Variants in SYT3 observed in about 807,000 individuals in gnomAD.
The protein encoded by SYT3 is synaptotagmin 3.
A neutral mutation model predicts 50.6 loss-of-function variants in SYT3; 25 were observed. The observed-to-expected ratio is 0.49, with a 90% CI of 0.36 to 0.69. The LOEUF (loss-of-function observed/expected upper bound fraction) is 0.69, where lower values mean the gene tolerates loss of function less well. Ranked by LOEUF, SYT3 falls within the 30% of genes least tolerant of loss-of-function variation. The pLI, the probability that SYT3 is intolerant of heterozygous loss-of-function variation, is 0.00. For synonymous variants in SYT3, 323 were observed against 353.9 expected (o/e 0.91, Z 0.98); for missense variants, 589 against 793.6 (o/e 0.74, Z 3.10).
At chr19:50,649,039 G>T in the SYT3 span, among the ~76,000 whole-genome samples, 1 of 151,150 alleles carries the variant, frequency 6.6e-6, no homozygotes, top group East Asian at 1.9e-4. Flanking sequence ...CTGAAGAGAT[G>T]GAGCCCAGGA....
Position 50,637,581 on chromosome 19 carries a change from A to AT in SYT3, c.-15-156dup, listed in dbSNP as rs1375978834. ...AGGGGCAGATGGATTAGGGATGGAG[A>AT]TTCGAGGAAGAAGGACAAGGTGACA... On this transcript the variant is annotated intron_variant, in intron 2 of 10. Transcript: ENST00000600079. The surrounding 1 kb of genome is among the most constrained non-coding windows in gnomAD (Gnocchi z 4.9). 2 of 611,348 alleles carry AT rather than the reference A, an allele frequency of 3.3e-6. No individual in the cohort carries two copies. The highest frequency in any genetic ancestry group is 3.7e-5 in the African/African-American group (2 of 54,190). 37.9% of individuals were successfully genotyped at this position (611,348 alleles called of 1,614,324 possible). A position where few individuals can be genotyped will look rare whatever the true frequency, so the allele number is the denominator to read the frequency against.
intron 6 of SYT3, among the ~76,000 whole-genome samples, chr19:50,627,155 C>T (rs566008208): frequency 6.6e-6 from 1 of 152,326 alleles, no homozygotes; most frequent in South Asian, 2.1e-4. Context: ...GCCCTGCGGC[C>T]TCCCAACTGT....
In SYT3 at chr19:50,639,794, AGCCGCCGCTGCCGCCGCT is replaced by A. The variant is rs550017093; in HGVS notation, c.-176_-159del. The A allele has an allele frequency of 1.3e-5, 2 of 155,918 alleles. No individual in the cohort carries two copies. The highest frequency in any genetic ancestry group is 1.8e-4 in the South Asian group (1 of 5,706). The allele number at this position is 155,918 out of a possible 1,614,324, so 9.7% of individuals were successfully genotyped here. The stretch of plus-strand genomic sequence containing the variant: ...GAGGGGGAGGAGCGGACTCACCCGG[AGCCGCCGCTGCCGCCGCT>A]GCCGCCGCCGCCGCCGCCGCAGCCC... On this transcript the variant is annotated 5_prime_UTR_variant, in exon 1 of 11. Coordinates refer to ENST00000600079, the MANE Select transcript of SYT3 (RefSeq NM_001160329.2). The surrounding 1 kb of genome is among the most constrained non-coding windows in gnomAD (Gnocchi z 4.6).
rs1366992921 is a variant in SYT3 at position 50,637,019 on chromosome 19, T to C, written c.148+245A>G. ...GACATTTGCACAAGATGCAGAGAGA[T>C]ATCTGAAGGGGGCATTTGGTGGTGG... is the stretch of plus-strand genomic sequence containing the variant. On this transcript the variant is annotated intron_variant, in intron 3 of 10. Coordinates refer to ENST00000600079, the MANE Select transcript of SYT3 (RefSeq NM_001160329.2). The surrounding 1 kb of genome is among the most constrained non-coding windows in gnomAD (Gnocchi z 4.9). Among the ~76,000 whole-genome samples the C allele has an allele frequency of 6.6e-6, 1 of 152,118 alleles. No individual in the cohort carries two copies. The highest frequency in any genetic ancestry group is 1.5e-5 in the Non-Finnish European group (1 of 68,032).
At chr19:50,652,634 C>T in the SYT3 span, among the ~76,000 whole-genome samples, 2 of 152,150 alleles carry the variant, frequency 1.3e-5, no homozygotes, top group South Asian at 2.1e-4. Flanking sequence ...TGTGCTTGAT[C>T]AGGTTTAAGA....
chr19:50,639,930 C>T (rs985741344), upstream of SYT3: 52 of 153,380 alleles, frequency 3.4e-4, no homozygotes, highest in African/African-American at 1.1e-3. The surrounding 1 kb of genome is among the most constrained non-coding windows in gnomAD (Gnocchi z 4.6). Context: ...TCCCCCACTC[C>T]GAACCCGCGG....
the SYT3 span, chr19:50,656,210 T>G: frequency 1.3e-6 from 2 of 1,536,104 alleles, no homozygotes; most frequent in Non-Finnish European, 1.7e-6. Flanking sequence ...TCCCTGCCTG[T>G]TCGCTCTCTC....
chr19:50,644,366 G>A (rs890042523), upstream of SYT3, among the ~76,000 whole-genome samples: 1 of 152,104 alleles, frequency 6.6e-6, no homozygotes, highest in African/African-American at 2.4e-5. Flanking sequence ...GTGGATGGTT[G>A]GGTGCATACA....
At chr19:50,647,795 A>C in the SYT3 span, among the ~76,000 whole-genome samples, 1 of 152,120 alleles carries the variant, frequency 6.6e-6, no homozygotes, top group South Asian at 2.1e-4. Flanking sequence ...GAACTTGGAG[A>C]CAGATAGGCT....
At chr19:50,656,134 C>G in the SYT3 span, 1 of 1,536,168 alleles carries the variant, frequency 6.5e-7, no homozygotes, top group South Asian at 1.2e-5. Flanking sequence ...TGAGTTGTCC[C>G]TGGCCCCCAT....
chr19:50,624,269 C>G (rs1983962306), intron 9 of SYT3, among the ~76,000 whole-genome samples: 2 of 152,288 alleles, frequency 1.3e-5, no homozygotes, highest in Admixed American at 1.3e-4. Context: ...GTGCCCTGCC[C>G]AAGTTTTTAT....
intron 6 of SYT3, chr19:50,626,247 T>A: frequency 2.0e-6 from 1 of 504,942 alleles, no homozygotes; most frequent in Non-Finnish European, 3.4e-6. Context: ...GAAGCATGAG[T>A]GAGGGGAGAG....
chr19:50,653,970 G>C, the SYT3 span, among the ~76,000 whole-genome samples: 15 of 152,158 alleles, frequency 9.9e-5, 1 homozygote, highest in South Asian at 3.1e-3. Context: ...AGCTGGGAGG[G>C]GGGGATTTTG....
chr19:50,625,699 G>C lies in SYT3; in HGVS notation c.1403-135C>G. The C allele has an allele frequency of 2.1e-6, 3 of 1,397,118 alleles. No individual in the cohort carries two copies. Among genetic ancestry groups the C allele is most frequent in the Non-Finnish European group, 2.9e-6 (3 of 1,043,856 alleles). 86.5% of individuals were successfully genotyped at this position (1,397,118 alleles called of 1,614,324 possible). Reference sequence around the variant, plus strand: ...AGGCCCCCAGTCCCTCCTTCCTCAGGCCCAAGAGTCCAGACCCCAGGTCCT... The same window carrying C: ...AGGCCCCCAGTCCCTCCTTCCTCAGCCCCAAGAGTCCAGACCCCAGGTCCT... On this transcript the variant is annotated intron_variant, in intron 7 of 10. Coordinates refer to ENST00000600079, the MANE Select transcript of SYT3 (RefSeq NM_001160329.2). The surrounding 1 kb of genome is among the most constrained non-coding windows in gnomAD (Gnocchi z 7.5).
At chr19:50,649,846 A>G in the SYT3 span, 6 of 484,972 alleles carry the variant, frequency 1.2e-5, no homozygotes, top group South Asian at 9.3e-5. Context: ...TCTTCCCCCA[A>G]AGCTGCTCTC....
Position 50,625,243 on chromosome 19 carries a change from G to T in SYT3, c.1626C>A (p.Ala542=). Residue 542 remains alanine, a synonymous_variant, in exon 9 of 11, where the codon GCC becomes GCA. Transcript: ENST00000600079. The surrounding 1 kb of genome is among the most constrained non-coding windows in gnomAD (Gnocchi z 7.5). ...IGVCRVGPDA[A]DPHGREHWAE... ...CCCAGTGCTCGCGGCCGTGCGGGTC[G>T]GCAGCGTCGGGGCCCACACGGCACA... The T allele has an allele frequency of 6.4e-7, 1 of 1,566,108 alleles. No individual in the cohort carries two copies.
the SYT3 span, among the ~76,000 whole-genome samples, chr19:50,651,088 T>G: frequency 0.015 from 2,275 of 152,344 alleles, 56 homozygotes; most frequent in African/African-American, 0.052. Context: ...AGAAAGCCCC[T>G]GGGTCCCAAG....
At chr19:50,651,297 G>A in the SYT3 span, among the ~76,000 whole-genome samples, 1 of 152,280 alleles carries the variant, frequency 6.6e-6, no homozygotes, top group Non-Finnish European at 1.5e-5. Flanking sequence ...CTTGGCCCAT[G>A]CTAGGCCCTT....
Position 50,630,082 on chromosome 19 carries a change from A to G in SYT3, c.764T>C (p.Leu255Ser), listed in dbSNP as rs138564908. The change falls in exon 5 of 11, where the codon TTA becomes TCA. Residue 255 changes from leucine to serine, a missense_variant. By Grantham distance (145) the Leu-to-Ser change is moderately radical (BLOSUM62 -2). Coordinates refer to ENST00000600079, the MANE Select transcript of SYT3 (RefSeq NM_001160329.2). ...SSEERPPALPLPLPGGEEKAK... is the reference protein window; with the variant it reads ...SSEERPPALPSPLPGGEEKAK... ...TTTTTCCTCGCCTCCAGGCAGGGGT[A>G]AGGGCAGGGCAGGTGGCCGCTCCTC... 2 of 1,613,468 alleles carry G rather than the reference A, an allele frequency of 1.2e-6. No individual in the cohort carries two copies. Among genetic ancestry groups the G allele is most frequent in the African/African-American group, 1.3e-5 (1 of 74,888 alleles).
Sources: gnomAD v4.1 joint callset for allele counts (sites outside exome capture counted in the v4.1 genomes callset) on GRCh38, gnomAD v4.1.1 for gene constraint, Gnocchi (gnomAD v3.1) non-coding constraint, MANE v1.5 for transcripts, NCBI Gene and HGNC (gene_info 2026-07-23, HGNC 2026-07-21) for gene names.